MTF1: variants seen among roughly 807,000 people sequenced by gnomAD.
MTF1 encodes the protein metal regulatory transcription factor 1.
A neutral mutation model predicts 70.4 loss-of-function variants in MTF1; 22 were observed. That is an observed-to-expected ratio of 0.31 (90% CI 0.22 to 0.45). MTF1 has a LOEUF of 0.45. Among genes scored for constraint, MTF1 ranks in the 20% least tolerant of loss-of-function variants. The probability of loss-of-function intolerance (pLI) is 1.00; values close to 1 mark genes in which losing one functional copy is unlikely to be tolerated. For synonymous variants in MTF1, 333 were observed against 352.8 expected, an observed-to-expected ratio of 0.94 and a Z score of 0.63; for missense variants, 649 against 922.0, an observed-to-expected ratio of 0.70 and a Z score of 3.83.
chr1:37,825,668 C>A (rs79516585), intron 7 of MTF1, among the ~76,000 whole-genome samples: 2 of 152,118 alleles, frequency 1.3e-5, no homozygotes, highest in Non-Finnish European at 1.5e-5. Context: ...TCTGCCACCC[C>A]TGACACAGCA....
Position 37,840,423 on chromosome 1 carries a change from C to G in MTF1, c.409-265G>C. 1.9e-6 allele frequency: 1 copy of G among 532,898 alleles called. No homozygotes were observed. The highest frequency in any genetic ancestry group is 2.6e-5 in the Admixed American group (1 of 38,446). 33.0% of individuals were successfully genotyped at this position (532,898 alleles called of 1,614,324 possible). On this transcript the variant is annotated intron_variant, in intron 2 of 10. Coordinates refer to ENST00000373036, the MANE Select transcript of MTF1 (RefSeq NM_005955.3). The surrounding 1 kb of genome is among the most constrained non-coding windows in gnomAD (Gnocchi z 4.5). ...ATGAACATAAGAATGTTTTCAGACT[C>G]TATATACATCTACCCACTAAAAGTA...
At chr1:37,846,022 T>C (rs966299765) in intron 2 of MTF1, among the ~76,000 whole-genome samples, 6 of 152,088 alleles carry the variant, frequency 3.9e-5, no homozygotes, top group Middle Eastern at 3.2e-3. Flanking sequence ...GAGCAGGAAA[T>C]TGCAAAAACG....
At chr1:37,844,259 G>C (rs1641300012) in intron 2 of MTF1, among the ~76,000 whole-genome samples, 2 of 152,134 alleles carry the variant, frequency 1.3e-5, no homozygotes, top group South Asian at 2.1e-4. Context: ...TTACCCATTT[G>C]CAAGACTGAA....
At chr1:37,835,772 G>A (rs1427057578) in intron 4 of MTF1, 28 bp from the exon 5 acceptor site, 1 of 1,578,876 alleles carries the variant, frequency 6.3e-7, no homozygotes. Flanking sequence ...AGAGAAACAG[G>A]AGTCATTAGC....
chr1:37,849,539 G>A lies in MTF1; in HGVS notation c.408+7712C>T, dbSNP rs141002937. 1.9e-4 allele frequency among the ~76,000 whole-genome samples: 29 copies of A among 152,168 alleles called. No homozygotes were observed. The East Asian group carries it at 5.4e-3, about 28-fold the overall frequency. On this transcript the variant is annotated intron_variant, in intron 2 of 10. Transcript: ENST00000373036. ...ATCATGTAGAATAAATTTTGCATAC[G>A]ATTCCTAGGGTTTTTTCATGCTCCT... is the stretch of plus-strand genomic sequence containing the variant.
In MTF1 at chr1:37,809,886, T is replaced by A. The variant is rs974652557; in HGVS notation, c.*5250A>T. On this transcript the variant is annotated 3_prime_UTR_variant, in exon 11 of 11. Transcript: ENST00000373036. ...ATCCAAATAAAACTATTTGGGATTT[T>A]AAAAGTTGTCACCAAGACCCCGGCC... The A allele has an allele frequency of 6.6e-6, 1 of 152,596 alleles. No homozygotes were observed. The highest frequency in any genetic ancestry group is 1.5e-5 in the Non-Finnish European group (1 of 68,046). The allele number at this position is 152,596 out of a possible 1,614,324, so 9.5% of individuals were successfully genotyped here. A position where few individuals can be genotyped will look rare whatever the true frequency, so the allele number is the denominator to read the frequency against.
intron 2 of MTF1, among the ~76,000 whole-genome samples, chr1:37,843,544 T>C (rs1641288461): frequency 6.6e-6 from 1 of 152,196 alleles, no homozygotes; most frequent in African/African-American, 2.4e-5. Context: ...AAAAATAGTT[T>C]AGGCTTTGTG....
chr1:37,858,314 C>A (rs1365678803), intron 1 of MTF1, among the ~76,000 whole-genome samples: 1 of 152,212 alleles, frequency 6.6e-6, no homozygotes, highest in Non-Finnish European at 1.5e-5. Flanking sequence ...CAAATCCTGT[C>A]TTTGCCTTTT....
At chr1:37,842,105 C>G (rs1641262370) in intron 2 of MTF1, among the ~76,000 whole-genome samples, 2 of 151,428 alleles carry the variant, frequency 1.3e-5, no homozygotes, top group Admixed American at 1.3e-4. Flanking sequence ...AAAGAAAATA[C>G]CAAAATACAA....
intron 9 of MTF1, 61 bp downstream of exon 9, chr1:37,822,060 G>T: frequency 7.4e-7 from 1 of 1,349,396 alleles, no homozygotes; most frequent in Non-Finnish European, 1.0e-6. Flanking sequence ...AAAAGCTTCT[G>T]AACATGTCAC....
intron 1 of MTF1, 140 bp from the exon 2 acceptor site, chr1:37,857,849 T>C: frequency 5.0e-6 from 3 of 599,938 alleles, no homozygotes; most frequent in Non-Finnish European, 8.7e-6. Flanking sequence ...AATTTTTTTA[T>C]TTTAACTTTA....
At chr1:37,837,893 A>T (rs928118377) in intron 4 of MTF1, among the ~76,000 whole-genome samples, 1 of 152,194 alleles carries the variant, frequency 6.6e-6, no homozygotes, top group African/African-American at 2.4e-5. Flanking sequence ...TTATCTCATT[A>T]AAAATGTCAT....
chr1:37,840,588 C>A lies in MTF1; in HGVS notation c.409-430G>T, dbSNP rs1641240558. 1 of 436,254 alleles carries A rather than the reference C, an allele frequency of 2.3e-6. No individual in the cohort carries two copies. Among genetic ancestry groups the A allele is most frequent in the Non-Finnish European group, 4.6e-6 (1 of 219,580 alleles). The allele number at this position is 436,254 out of a possible 1,614,324, so 27.0% of individuals were successfully genotyped here. On this transcript the variant is annotated intron_variant, in intron 2 of 10. Transcript: ENST00000373036. This position sits in a 1 kb window ranked among gnomAD's most constrained non-coding sequence, Gnocchi z 4.5. ...TGAGTTTAAAACATCTGGAAATTTA[C>A]ATACTTAATCATCAAACATATTTCC...
rs200791165 is a variant in MTF1, at chr1:37,832,338, A to C, written c.991-16T>G. The C allele has an allele frequency of 1.0e-4, 160 of 1,574,074 alleles. No individual in the cohort carries two copies. Among genetic ancestry groups the C allele is most frequent in the Non-Finnish European group, 1.4e-4 (156 of 1,146,640 alleles). On this transcript the variant is annotated splice_polypyrimidine_tract_variant and intron_variant, in intron 6 of 10. Coordinates refer to ENST00000373036, the MANE Select transcript of MTF1 (RefSeq NM_005955.3). ...GATTTGTATCCTGTGAAAGAGAAAA[A>C]ATTCTAATTGAGTAACAAAAATCAG...
intron 4 of MTF1, among the ~76,000 whole-genome samples, chr1:37,836,947 G>GC (rs1285282349): frequency 2.8e-5 from 2 of 72,530 alleles, no homozygotes; most frequent in African/African-American, 5.9e-5. Flanking sequence ...GAAGGGGGGC[G>GC]GCGGGGAATA....
At chr1:37,822,085 T>G (rs372552004) in intron 9 of MTF1, 36 bp downstream of exon 9, 4 of 1,493,888 alleles carry the variant, frequency 2.7e-6, no homozygotes, top group African/African-American at 2.8e-5. Context: ...GTAAATACAC[T>G]TCACCCCACT....
intron 7 of MTF1, chr1:37,826,564 C>T (rs1203739170): frequency 6.6e-6 from 3 of 455,446 alleles, no homozygotes; most frequent in South Asian, 1.5e-5. Flanking sequence ...TGAGCCACCA[C>T]CACCAGCTGA....
At chr1:37,850,684 G>C (rs558919443) in intron 2 of MTF1, among the ~76,000 whole-genome samples, 3 of 152,290 alleles carry the variant, frequency 2.0e-5, no homozygotes, top group Non-Finnish European at 4.4e-5. Context: ...CAGCGGCCTT[G>C]TGGTAGGAAA....
rs766576752 is a variant in MTF1 at position 37,835,663 on chromosome 1, A to G, written c.853+8T>C. 6.2e-7 allele frequency: 1 copy of G among 1,613,626 alleles called. No homozygotes were observed. The highest frequency in any genetic ancestry group is 1.1e-5 in the South Asian group (1 of 91,068). ...GGCTTGATGAAACAAAAATTGGCCT[A>G]AACTCACCAGTATGTGTACGAACGT... On this transcript the variant is annotated splice_region_variant and intron_variant, in intron 5 of 10. Coordinates refer to ENST00000373036, the MANE Select transcript of MTF1 (RefSeq NM_005955.3).
Sources: gnomAD v4.1 joint callset for allele counts (sites outside exome capture counted in the v4.1 genomes callset) on GRCh38, gnomAD v4.1.1 for gene constraint, Gnocchi (gnomAD v3.1) non-coding constraint, MANE v1.5 for transcripts, NCBI Gene and HGNC (gene_info 2026-07-23, HGNC 2026-07-21) for gene names.